The following ZBBX variants were observed in gnomAD, a reference collection of about 807,000 sequenced individuals.
The protein encoded by ZBBX is zinc finger B-box domain-containing protein 1.
A neutral mutation model predicts 108.5 loss-of-function variants in ZBBX; 101 were observed. That is an observed-to-expected ratio of 0.93 (90% CI 0.79 to 1.10). The LOEUF (loss-of-function observed/expected upper bound fraction) is 1.10, where lower values mean the gene tolerates loss of function less well. Ranked by LOEUF, ZBBX falls within the 50% of genes least tolerant of loss-of-function variation. The probability of loss-of-function intolerance (pLI) is 0.00; values close to 1 mark genes in which losing one functional copy is unlikely to be tolerated. For synonymous variants in ZBBX, 356 were observed against 323.4 expected (o/e 1.10, Z -1.08); for missense variants, 1,009 against 941.4 (o/e 1.07, Z -0.94).
chr3:167,342,761 A>G (rs1425359856), intron 9 of ZBBX, among the ~76,000 whole-genome samples: 1 of 151,262 alleles, frequency 6.6e-6, no homozygotes, highest in Non-Finnish European at 1.5e-5. Flanking sequence ...TTCAATTATC[A>G]TAATATCTTT....
At chr3:167,370,830 T>G (rs545771161) in intron 4 of ZBBX, among the ~76,000 whole-genome samples, 38 of 152,312 alleles carry the variant, frequency 2.5e-4, no homozygotes, top group African/African-American at 9.1e-4. Context: ...AAAATATGTA[T>G]GTTGCCTATA....
chr3:167,245,256 A>T (rs1007037810), intron 20 of ZBBX, among the ~76,000 whole-genome samples: 6 of 152,294 alleles, frequency 3.9e-5, no homozygotes, highest in Non-Finnish European at 8.8e-5. Flanking sequence ...TACTAAAAAT[A>T]CAAAAAATTA....
chr3:167,236,398 C>T (rs1720231867), downstream of ZBBX, among the ~76,000 whole-genome samples: 1 of 151,678 alleles, frequency 6.6e-6, no homozygotes, highest in Non-Finnish European at 1.5e-5. Flanking sequence ...AGCATAAGCT[C>T]ATAAAAAGTG....
intron 17 of ZBBX, among the ~76,000 whole-genome samples, chr3:167,301,638 C>T (rs1308091504): frequency 2.6e-5 from 4 of 152,010 alleles, no homozygotes; most frequent in Non-Finnish European, 5.9e-5. Flanking sequence ...AATATTTCTA[C>T]CTTCTATTTT....
intron 7 of ZBBX, among the ~76,000 whole-genome samples, chr3:167,360,326 T>C (rs1744303457): frequency 6.6e-6 from 1 of 151,214 alleles, no homozygotes; most frequent in South Asian, 2.1e-4. Context: ...AAGCAATTTT[T>C]CTATTTTTAA....
At chr3:167,304,442 C>T (rs1020333020) in intron 17 of ZBBX, among the ~76,000 whole-genome samples, 2 of 152,076 alleles carry the variant, frequency 1.3e-5, no homozygotes, top group Non-Finnish European at 2.9e-5. Flanking sequence ...ACTGGGGGAA[C>T]GAGAAGATAA....
chr3:167,325,454 T>C (rs1737196374), intron 11 of ZBBX, among the ~76,000 whole-genome samples: 1 of 151,976 alleles, frequency 6.6e-6, no homozygotes. Context: ...AAAGACCCAC[T>C]CCCATGATTC....
chr3:167,303,463 T>C (rs1234259954), intron 17 of ZBBX, among the ~76,000 whole-genome samples: 18 of 152,182 alleles, frequency 1.2e-4, no homozygotes, highest in Non-Finnish European at 2.2e-4. Context: ...ATACATCTAA[T>C]ATATTTGCCA....
the ZBBX span, among the ~76,000 whole-genome samples, chr3:167,230,465 A>G: frequency 6.6e-6 from 1 of 151,876 alleles, no homozygotes; most frequent in Non-Finnish European, 1.5e-5. Flanking sequence ...AGATGCAAGA[A>G]GAGAGAGTGA....
At chr3:167,235,544 T>G (rs1265987820), downstream of ZBBX, among the ~76,000 whole-genome samples, 1 of 151,016 alleles carries the variant, frequency 6.6e-6, no homozygotes, top group Non-Finnish European at 1.5e-5. Context: ...ATATATATAT[T>G]CTTCTGGATA....
intron 6 of ZBBX, among the ~76,000 whole-genome samples, chr3:167,364,605 T>C (rs891050937): frequency 1.1e-4 from 16 of 152,052 alleles, no homozygotes; most frequent in African/African-American, 3.1e-4. Context: ...GGAATAATAA[T>C]AACATCCTCT....
At chr3:167,188,832 G>T in the ZBBX span, among the ~76,000 whole-genome samples, 1 of 152,176 alleles carries the variant, frequency 6.6e-6, no homozygotes, top group Admixed American at 6.5e-5. Flanking sequence ...AAAGGTAAAG[G>T]GTGTAGGTTT....
chr3:167,317,178 C>T (rs1560114398), intron 13 of ZBBX, 73 bp from the exon 14 acceptor site: 1 of 1,036,288 alleles, frequency 9.6e-7, no homozygotes, highest in South Asian at 1.6e-5. Context: ...AATAAGATAG[C>T]CACCAAAAAA....
intron 2 of ZBBX, among the ~76,000 whole-genome samples, chr3:167,376,082 C>T (rs943138486): frequency 2.0e-5 from 3 of 152,112 alleles, no homozygotes; most frequent in African/African-American, 7.2e-5. Flanking sequence ...CTACAGCAGG[C>T]GTCTCACTCA....
chr3:167,393,976 A>T lies in ZBBX; in HGVS notation c.-445-13571T>A, dbSNP rs186853953. Among the ~76,000 whole-genome samples the T allele has an allele frequency of 2.9e-4, 44 of 152,096 alleles. No individual in the cohort carries two copies. In the East Asian group the frequency reaches 5.2e-3, roughly 18 times the overall value. Reference sequence around the variant, plus strand: ...GATGTAAAATAGATACAGATAGATAAATGAAAATGTAGAAAGTATTTTAAA... The same window carrying T: ...GATGTAAAATAGATACAGATAGATATATGAAAATGTAGAAAGTATTTTAAA... On this transcript the variant is annotated intron_variant, in intron 1 of 21. Coordinates refer to the ZBBX transcript ENST00000455345.
Position 167,359,860 on chromosome 3 carries a change from A to C in ZBBX, c.432+10T>G, listed in dbSNP as rs1744223670. On this transcript the variant is annotated intron_variant, in intron 8 of 21. Coordinates refer to ENST00000675490, the MANE Select transcript of ZBBX (RefSeq NM_001199201.2). ...ACAGTATATGTATATATACTATATAACGTACATACCAGTAGAGCAGCTTTG... is the reference window on the plus strand; with the variant it reads ...ACAGTATATGTATATATACTATATACCGTACATACCAGTAGAGCAGCTTTG... The C allele has an allele frequency of 1.5e-6, 2 of 1,350,144 alleles. No homozygotes were observed. Among genetic ancestry groups the C allele is most frequent in the Non-Finnish European group, 2.1e-6 (2 of 973,378 alleles). 83.6% of individuals were successfully genotyped at this position (1,350,144 alleles called of 1,614,324 possible).
chr3:167,178,674 C>A, the ZBBX span, among the ~76,000 whole-genome samples: 1 of 152,138 alleles, frequency 6.6e-6, no homozygotes, highest in Non-Finnish European at 1.5e-5. Context: ...CAAGCATAAC[C>A]TCTACCCCAA....
chr3:167,338,785 T>G (rs1187031176), intron 9 of ZBBX, among the ~76,000 whole-genome samples: 1 of 151,988 alleles, frequency 6.6e-6, no homozygotes, highest in Non-Finnish European at 1.5e-5. Flanking sequence ...GAGAGAGAGA[T>G]ACACACATAT....
intron 18 of ZBBX, among the ~76,000 whole-genome samples, chr3:167,294,462 A>G (rs1383189081): frequency 1.3e-5 from 2 of 152,234 alleles, no homozygotes; most frequent in African/African-American, 4.8e-5. Flanking sequence ...TCCCTATTTA[A>G]TAAATGGTGT....
Sources: gnomAD v4.1 joint callset for allele counts (sites outside exome capture counted in the v4.1 genomes callset) on GRCh38, gnomAD v4.1.1 for gene constraint, MANE v1.5 for transcripts, NCBI Gene and HGNC (gene_info 2026-07-23, HGNC 2026-07-21) for gene names.